The following ABCG2 variants were observed in gnomAD, a reference collection of about 807,000 sequenced individuals.
The protein encoded by ABCG2 is broad substrate specificity ATP-binding cassette transporter ABCG2.
ABCG2 carries 80 observed loss-of-function variants against 73.5 expected under a neutral mutation model. That is an observed-to-expected ratio of 1.09 (90% confidence interval 0.91 to 1.31). The LOEUF is 1.31. Among genes scored for constraint, ABCG2 ranks in the 50% most tolerant of loss-of-function variants. The pLI is 0.00. For synonymous variants in ABCG2, 269 were observed against 282.4 expected, an observed-to-expected ratio of 0.95 and a Z score of 0.48; for missense variants, 796 against 786.2, an observed-to-expected ratio of 1.01 and a Z score of -0.15.
rs138892154 is a variant in ABCG2 at position 88,092,372 on chromosome 4, G to A, written c.1830C>T (p.Gly610=). Residue 610 remains glycine, a synonymous_variant, in exon 16 of 16, where the codon GGC becomes GGT. Transcript: ENST00000237612. ...NNPCNYATCT[G]EEYLVKQGID... The stretch of plus-strand genomic sequence containing the variant: ...TGCCCTGCTTTACCAAATATTCTTC[G>A]CCAGTACATCTGAAATTAAACAGAA... 61 of 1,604,454 alleles carry A rather than the reference G, an allele frequency of 3.8e-5. No individual in the cohort carries two copies. The highest frequency in any genetic ancestry group is 1.7e-4 in the Middle Eastern group (1 of 6,018).
At position 88,121,627 on chromosome 4, in the gene ABCG2, G is replaced by A. The variant is rs1420848556; in HGVS notation, c.689+8C>T. The A allele has an allele frequency of 3.7e-6, 6 of 1,612,834 alleles. No individual in the cohort carries two copies. The highest frequency in any genetic ancestry group is 1.3e-5 in the African/African-American group (1 of 75,010). On this transcript the variant is annotated splice_region_variant and intron_variant, in intron 6 of 15. Coordinates refer to ENST00000237612, the MANE Select transcript of ABCG2 (RefSeq NM_004827.3). ...TTAACTAAAGAATAATGTTTCCAGA[G>A]CATTTACCTTTTCAGGAGCAAAAGG...
chr4:88,095,167 C>A (rs995063310), intron 14 of ABCG2, among the ~76,000 whole-genome samples: 2 of 152,220 alleles, frequency 1.3e-5, no homozygotes, highest in African/African-American at 4.8e-5. Context: ...GGTCTTTGCT[C>A]TTCTAATTTT....
At chr4:88,193,593 T>C (rs954424340) in intron 1 of ABCG2, among the ~76,000 whole-genome samples, 4 of 152,344 alleles carry the variant, frequency 2.6e-5, no homozygotes, top group East Asian at 3.9e-4. Context: ...TCCTGGATCA[T>C]AGGCAATACA....
intron 1 of ABCG2, among the ~76,000 whole-genome samples, chr4:88,174,617 C>T (rs1183806054): frequency 6.6e-6 from 1 of 152,162 alleles, no homozygotes; most frequent in Non-Finnish European, 1.5e-5. Context: ...GTCTGGAACT[C>T]CTGACCTCAG....
In ABCG2 at chr4:88,092,001, C is replaced by T. The variant is rs550999353; in HGVS notation, c.*233G>A. ...TAATAAATTAGACCAGATTTCTTCC[C>T]CATGGTTACTGTCTGAGGAGATTAA... On this transcript the variant is annotated 3_prime_UTR_variant, in exon 16 of 16. Coordinates refer to ENST00000237612, the MANE Select transcript of ABCG2 (RefSeq NM_004827.3). The T allele has an allele frequency of 2.8e-6, 1 of 360,824 alleles. No individual in the cohort carries two copies. The highest frequency in any genetic ancestry group is 5.0e-6 in the Non-Finnish European group (1 of 201,666). 22.4% of individuals were successfully genotyped at this position (360,824 alleles called of 1,614,324 possible). A position where few individuals can be genotyped will look rare whatever the true frequency, so the allele number is the denominator to read the frequency against.
At chr4:88,113,782 G>A (rs1045638951) in intron 8 of ABCG2, among the ~76,000 whole-genome samples, 3 of 151,802 alleles carry the variant, frequency 2.0e-5, no homozygotes, top group African/African-American at 7.3e-5. Flanking sequence ...CCAACATGGT[G>A]AAACCCTGTC....
chr4:88,189,622 G>A (rs1728602808), intron 1 of ABCG2, among the ~76,000 whole-genome samples: 1 of 152,098 alleles, frequency 6.6e-6, no homozygotes, highest in Non-Finnish European at 1.5e-5. Flanking sequence ...AATTTATTTA[G>A]TGGCTCTAAT....
At chr4:88,097,781 T>A (rs1261558650) in intron 12 of ABCG2, among the ~76,000 whole-genome samples, 174 bp from the exon 13 acceptor site, 1 of 152,258 alleles carries the variant, frequency 6.6e-6, no homozygotes, top group Non-Finnish European at 1.5e-5. Context: ...TCCATGTAAC[T>A]GCATAAAGTT....
At chr4:88,108,337 C>G (rs1451030277) in intron 9 of ABCG2, among the ~76,000 whole-genome samples, 2 of 149,042 alleles carry the variant, frequency 1.3e-5, no homozygotes, top group Admixed American at 1.4e-4. Flanking sequence ...GCCTGGGCAA[C>G]ATGGTGAGAC....
intron 1 of ABCG2, among the ~76,000 whole-genome samples, chr4:88,174,322 G>T (rs1457298936): frequency 6.6e-6 from 1 of 151,914 alleles, no homozygotes; most frequent in Non-Finnish European, 1.5e-5. Flanking sequence ...CCCTCTCCTT[G>T]CTCCCTACTC....
chr4:88,215,343 T>G (rs1729771756), intron 1 of ABCG2, among the ~76,000 whole-genome samples: 1 of 151,954 alleles, frequency 6.6e-6, no homozygotes, highest in Non-Finnish European at 1.5e-5. Context: ...TAGTTTGGAG[T>G]TAATGAGGTT....
At chr4:88,101,113 TA>T in intron 11 of ABCG2, 116 bp downstream of exon 11, 1 of 727,244 alleles carries the variant, frequency 1.4e-6, no homozygotes, top group Non-Finnish European at 2.3e-6. Flanking sequence ...AAATAAATTT[TA>T]AAAAGTACTG....
At chr4:88,180,373 A>C (rs191918189) in intron 1 of ABCG2, among the ~76,000 whole-genome samples, 7 of 152,254 alleles carry the variant, frequency 4.6e-5, no homozygotes, top group Non-Finnish European at 8.8e-5. Context: ...GATAAACAAA[A>C]ACTGAGGAAT....
chr4:88,170,342 A>G (rs983532142), intron 1 of ABCG2, among the ~76,000 whole-genome samples: 1 of 152,024 alleles, frequency 6.6e-6, no homozygotes, highest in Non-Finnish European at 1.5e-5. Flanking sequence ...ATACTCACTT[A>G]TCTGGTCATA....
rs527846687 is a variant in ABCG2 at position 88,113,373 on chromosome 4, T to C, written c.1124A>G (p.His375Arg). ...ACGCTTGGAAACCCATCTGAGTTGA[T>C]GACAGAAGGAGGTGGTGTAGCTGAT... ...KEISYTTSFC[H>R]QLRWVSKRSF... Residue 375 changes from histidine (H) to arginine (R), a missense_variant, in exon 9 of 16, where the codon CAT becomes CGT. By Grantham distance (29) the His-to-Arg change is conservative. Transcript: ENST00000237612. The C allele has an allele frequency of 4.5e-5, 72 of 1,614,208 alleles. No homozygotes were observed. In the South Asian group the frequency reaches 5.6e-4, roughly 13 times the overall value.
At chr4:88,208,253 A>G (rs549093453) in intron 1 of ABCG2, among the ~76,000 whole-genome samples, 1 of 152,342 alleles carries the variant, frequency 6.6e-6, no homozygotes, top group South Asian at 2.1e-4. Flanking sequence ...CATTCTACTC[A>G]TAGCTAAGAT....
chr4:88,163,293 G>A (rs2110087628), upstream of ABCG2, among the ~76,000 whole-genome samples: 1 of 152,274 alleles, frequency 6.6e-6, no homozygotes, highest in East Asian at 1.9e-4. Flanking sequence ...AATGGAAACA[G>A]TTTAAAACTC....
intron 9 of ABCG2, 78 bp from the exon 10 acceptor site, chr4:88,107,344 A>AC: frequency 2.2e-5 from 21 of 944,750 alleles, no homozygotes; most frequent in Non-Finnish European, 3.3e-5. Context: ...ATTTATTAGT[A>AC]TAATATATGG....
rs556942645 is a variant in ABCG2 at position 88,217,054 on chromosome 4, T to C, written c.-20+13940A>G. 6.6e-5 allele frequency among the ~76,000 whole-genome samples: 10 copies of C among 152,086 alleles called. 1 individual carries two copies. In the South Asian group the frequency reaches 2.1e-3, roughly 32 times the overall value. ...TCAAAAAAAAAAAAAATTTTTTTTT[T>C]ACATTTTATTCCCTGCCTGCAGAGC... On this transcript the variant is annotated intron_variant, in intron 1 of 15. Coordinates refer to the ABCG2 transcript ENST00000515655.
Sources: gnomAD v4.1 joint callset for allele counts (sites outside exome capture counted in the v4.1 genomes callset) on GRCh38, gnomAD v4.1.1 for gene constraint, MANE v1.5 for transcripts, NCBI Gene and HGNC (gene_info 2026-07-23, HGNC 2026-07-21) for gene names.